Variants in LIPI observed in about 807,000 individuals in gnomAD.
LIPI encodes the protein lipase I, also known as lipase member I.
A neutral mutation model predicts 50.6 loss-of-function variants in LIPI; 59 were observed. The ratio of observed to expected loss-of-function variants is 1.16; its 90% CI spans 0.94 to 1.45. LIPI has a LOEUF of 1.45. LIPI is among the 40% of genes most tolerant of loss of function. The pLI is 0.00. For synonymous variants in LIPI, 203 were observed against 178.2 expected (o/e 1.14, Z -1.11); for missense variants, 586 against 536.3 (o/e 1.09, Z -0.92).
chr21:14,159,908 G>A (rs75699809), intron 7 of LIPI, among the ~76,000 whole-genome samples: 2,100 of 151,128 alleles, frequency 0.014, 55 homozygotes, highest in African/African-American at 0.047. Flanking sequence ...ATGAATATGT[G>A]GTATACACAC....
chr21:14,168,063 A>AG (rs1452229638), intron 4 of LIPI, among the ~76,000 whole-genome samples: 1 of 152,260 alleles, frequency 6.6e-6, no homozygotes, highest in Non-Finnish European at 1.5e-5. Flanking sequence ...AACTATGTGA[A>AG]GAATGCAGAA....
In LIPI at chr21:14,109,012, C is replaced by T; in HGVS notation, c.1364G>A (p.Cys455Tyr). Residue 455 changes from cysteine (C) to tyrosine (Y), a missense_variant, in exon 10 of 10, where the codon TGT becomes TAT. Transcript: ENST00000681601. Reference protein sequence around the residue: ...REEVFLNPNTCTPKNT With the variant: ...REEVFLNPNTYTPKNT ...GGCATCTTATGTGTTCTTTGGTGTA[C>T]ATGTGTTTGGATTAAGAAACACTTC... The T allele has an allele frequency of 6.2e-7, 1 of 1,607,418 alleles. No individual in the cohort carries two copies. The highest frequency in any genetic ancestry group is 8.5e-7 in the Non-Finnish European group (1 of 1,174,316).
At chr21:14,157,610 CA>C (rs375423651) in intron 7 of LIPI, among the ~76,000 whole-genome samples, 274 of 151,882 alleles carry the variant, frequency 1.8e-3, no homozygotes, top group African/African-American at 6.2e-3. Flanking sequence ...AAAACGTCTA[CA>C]AACAAGAAAC....
chr21:14,206,257 T>C (rs994081062), intron 1 of LIPI, among the ~76,000 whole-genome samples: 9 of 152,072 alleles, frequency 5.9e-5, no homozygotes, highest in Non-Finnish European at 8.8e-5. Context: ...ACATCTCTTG[T>C]GACTCTGAGC....
At position 14,166,438 on chromosome 21, in the gene LIPI, T is replaced by C. The variant is rs751810362; in HGVS notation, c.657A>G (p.Gln219=). The C allele has an allele frequency of 2.5e-6, 4 of 1,602,862 alleles. No individual in the cohort carries two copies. In the South Asian group the frequency reaches 3.3e-5, roughly 13 times the overall value. ...AAAAATCTATATGTCCCAAGGGCTC[T>C]TGAATGCCTAAACCTGAGAAGAAAG... ...IHSDSNGLGI[Q]EPLGHIDFYP... The change falls in exon 5 of 10, where the codon CAA becomes CAG. Residue 219 remains glutamine (Q), a synonymous_variant. Transcript: ENST00000681601.
At chr21:14,124,824 C>G (rs10854283) in intron 9 of LIPI, among the ~76,000 whole-genome samples, 19,443 of 152,138 alleles carry the variant, frequency 0.13, 1,630 homozygotes, top group East Asian at 0.41. Context: ...AACCCCATCT[C>G]TGCTAAAAAT....
intron 1 of LIPI, among the ~76,000 whole-genome samples, chr21:14,209,256 A>G (rs535332550): frequency 1.3e-5 from 2 of 152,278 alleles, no homozygotes; most frequent in South Asian, 4.1e-4. Context: ...TCTACTTACA[A>G]TTTTTAAAAA....
chr21:14,166,520 T>C lies in LIPI; in HGVS notation c.644-69A>G, dbSNP rs943915812. The C allele has an allele frequency of 8.0e-5, 66 of 824,088 alleles. 1 individual carries two copies. Among genetic ancestry groups the C allele is most frequent in the Non-Finnish European group, 7.3e-5 (34 of 467,280 alleles). 51.0% of individuals were successfully genotyped at this position (824,088 alleles called of 1,614,324 possible). A position where few individuals can be genotyped will look rare whatever the true frequency, so the allele number is the denominator to read the frequency against. On this transcript the variant is annotated intron_variant, in intron 4 of 9. Transcript: ENST00000681601. ...GGTGAGTATCTTGCATAAAACAAAA[T>C]AGCCTATAAAATCCATTGAAAGTTA...
intron 1 of LIPI, among the ~76,000 whole-genome samples, chr21:14,202,924 A>C (rs1233520268): frequency 2.0e-5 from 3 of 152,206 alleles, no homozygotes; most frequent in African/African-American, 7.2e-5. Context: ...AAATTTTTGC[A>C]ATCTACCCAT....
At chr21:14,156,211 A>G (rs1281405900) in intron 7 of LIPI, among the ~76,000 whole-genome samples, 1 of 151,952 alleles carries the variant, frequency 6.6e-6, no homozygotes, top group Non-Finnish European at 1.5e-5. Flanking sequence ...TAAGATTGCA[A>G]ATAAAATTAG....
rs575341922 is a variant in LIPI, at chr21:14,134,338, A to T, written c.1295+10285T>A. ...AAATGGCCCGTGCTCGTGGATTGGA[A>T]AAATCAGTATCATTAAAATGACCAT... On this transcript the variant is annotated intron_variant, in intron 9 of 9. Coordinates refer to ENST00000681601, the MANE Select transcript of LIPI (RefSeq NM_001302998.2). 2.0e-5 allele frequency among the ~76,000 whole-genome samples: 3 copies of T among 152,304 alleles called. No individual in the cohort carries two copies. In the East Asian group the frequency reaches 5.8e-4, roughly 29 times the overall value.
intron 1 of LIPI, among the ~76,000 whole-genome samples, chr21:14,208,171 G>A (rs1348816549): frequency 6.6e-6 from 1 of 152,192 alleles, no homozygotes; most frequent in Middle Eastern, 3.4e-3. Flanking sequence ...AGAATCCCAT[G>A]GGTTCTGGAA....
In LIPI at chr21:14,186,017, G is replaced by T. The variant is rs994124837; in HGVS notation, c.485C>A (p.Ala162Asp). 2 of 1,607,202 alleles carry T rather than the reference G, an allele frequency of 1.2e-6. No homozygotes were observed. Among genetic ancestry groups the T allele is most frequent in the Non-Finnish European group, 1.7e-6 (2 of 1,174,086 alleles). ...CTTTCCAACAAATCCACTGATATGA[G>T]CCCCTAAGCTCACACCTATGAAATG... ...NFHFIGVSLG[A>D]HISGFVGKIF... Residue 162 changes from alanine (A) to aspartate (D), a missense_variant, in exon 3 of 10, where the codon GCT becomes GAT. Ala to Asp is a moderately radical substitution (Grantham distance 126). Coordinates refer to ENST00000681601, the MANE Select transcript of LIPI (RefSeq NM_001302998.2).
chr21:14,108,831 A>G lies in LIPI; in HGVS notation c.*162T>C. ...GAATATATTTGGAATGTTTAACTGT[A>G]TGCATTTTTTATTTTCTTTATTTTT... is the stretch of plus-strand genomic sequence containing the variant. On this transcript the variant is annotated 3_prime_UTR_variant, in exon 10 of 10. Coordinates refer to ENST00000681601, the MANE Select transcript of LIPI (RefSeq NM_001302998.2). 1.4e-6 allele frequency: 1 copy of G among 734,874 alleles called. No homozygotes were observed. The highest frequency in any genetic ancestry group is 2.2e-6 in the Non-Finnish European group (1 of 449,812). 45.5% of individuals were successfully genotyped at this position (734,874 alleles called of 1,614,324 possible).
chr21:14,147,525 A>T (rs1166704382), intron 8 of LIPI, among the ~76,000 whole-genome samples: 2 of 152,116 alleles, frequency 1.3e-5, no homozygotes, highest in Non-Finnish European at 2.9e-5. Flanking sequence ...TTTTATTTTT[A>T]TTATTAATTT....
At chr21:14,182,762 C>T (rs964040608) in intron 3 of LIPI, among the ~76,000 whole-genome samples, 16 of 151,596 alleles carry the variant, frequency 1.1e-4, no homozygotes, top group Non-Finnish European at 1.8e-4. Flanking sequence ...AATAAAATAC[C>T]TAGGAATCCA....
At chr21:14,170,668 T>G (rs1472408501) in intron 4 of LIPI, among the ~76,000 whole-genome samples, 2 of 152,128 alleles carry the variant, frequency 1.3e-5, no homozygotes, top group African/African-American at 4.8e-5. Context: ...TCAACAACCC[T>G]TCATGCTAAA....
At chr21:14,185,924 G>T in intron 3 of LIPI, 37 bp downstream of exon 3, 3 of 1,150,762 alleles carry the variant, frequency 2.6e-6, no homozygotes, top group Non-Finnish European at 3.9e-6. Context: ...ATACTTAAAA[G>T]TATGCTAAAG....
At chr21:14,172,684 A>C (rs992060327) in intron 4 of LIPI, among the ~76,000 whole-genome samples, 3 of 150,868 alleles carry the variant, frequency 2.0e-5, no homozygotes, top group African/African-American at 7.3e-5. Context: ...CATGGACACA[A>C]GAAGGGGAAC....
Sources: gnomAD v4.1 joint callset for allele counts (sites outside exome capture counted in the v4.1 genomes callset) on GRCh38, gnomAD v4.1.1 for gene constraint, MANE v1.5 for transcripts, NCBI Gene and HGNC (gene_info 2026-07-23, HGNC 2026-07-21) for gene names.